The following KCMF1 variants were observed in gnomAD, a reference collection of about 807,000 sequenced individuals.
KCMF1 encodes the protein potassium channel modulatory factor 1.
In KCMF1, 3 loss-of-function variants were observed where a neutral mutation model predicts 41.1. That is an observed-to-expected ratio of 0.07 (90% confidence interval 0.03 to 0.19). The LOEUF (loss-of-function observed/expected upper bound fraction) is 0.19. Among genes scored for constraint, KCMF1 ranks in the 10% least tolerant of loss-of-function variants. The pLI is 1.00. For synonymous variants in KCMF1, 142 were observed against 164.5 expected (o/e 0.86, Z 1.04); for missense variants, 286 against 488.9 (o/e 0.58, Z 3.91).
intron 1 of KCMF1, among the ~76,000 whole-genome samples, chr2:84,989,208 A>G (rs530159557): frequency 3.2e-4 from 49 of 152,326 alleles, no homozygotes; most frequent in Non-Finnish European, 5.9e-4. Flanking sequence ...CCTATGAGAC[A>G]GGTGATTATA....
intron 1 of KCMF1, among the ~76,000 whole-genome samples, chr2:85,017,480 A>T (rs1674806926): frequency 6.6e-6 from 1 of 152,294 alleles, no homozygotes; most frequent in Admixed American, 6.5e-5. Flanking sequence ...TTTTTTAAAA[A>T]AAGTCACACT....
rs1675861637 is a variant in KCMF1 at position 85,053,669 on chromosome 2, T to C, written c.*260T>C. ...CTTGACATGCAAAAGGCTCTCCTAA[T>C]ACTCCACATTCAAACTGAAGAGGAA... is the stretch of plus-strand genomic sequence containing the variant. On this transcript the variant is annotated 3_prime_UTR_variant, in exon 7 of 7. Coordinates refer to ENST00000409785, the MANE Select transcript of KCMF1 (RefSeq NM_020122.5). 2.7e-6 allele frequency: 1 copy of C among 364,804 alleles called. No individual in the cohort carries two copies. The allele number at this position is 364,804 out of a possible 1,614,324, so 22.6% of individuals were successfully genotyped here. A position where few individuals can be genotyped will look rare whatever the true frequency, so the allele number is the denominator to read the frequency against.
At chr2:84,986,958 CT>C (rs1172423317) in intron 1 of KCMF1, among the ~76,000 whole-genome samples, 1 of 152,142 alleles carries the variant, frequency 6.6e-6, no homozygotes, top group Non-Finnish European at 1.5e-5. Flanking sequence ...TTTGTTTAGA[CT>C]TGGGTTCAAT....
chr2:85,007,154 C>T (rs376611653), intron 1 of KCMF1, among the ~76,000 whole-genome samples: 2 of 151,270 alleles, frequency 1.3e-5, no homozygotes, highest in African/African-American at 4.9e-5. Context: ...ATGTCCATAT[C>T]CACTAACTGG....
chr2:84,993,927 GTTTTGTTTTGTTTTGTTTTGTT>G, intron 1 of KCMF1, among the ~76,000 whole-genome samples: 1 of 124,170 alleles, frequency 8.1e-6, no homozygotes, highest in Non-Finnish European at 1.8e-5. Context: ...GTTTTGTTTT[GTTTTGTTTTGTTTTGTTTTGTT>G]TTGTTTTGTT....
At chr2:85,024,726 AC>A (rs1169279622) in intron 1 of KCMF1, among the ~76,000 whole-genome samples, 3 of 152,082 alleles carry the variant, frequency 2.0e-5, no homozygotes, top group African/African-American at 4.8e-5. Flanking sequence ...CCGTCTTTAA[AC>A]CATGTGGAAT....
intron 1 of KCMF1, among the ~76,000 whole-genome samples, chr2:84,988,697 C>T (rs1463679223): frequency 2.6e-5 from 4 of 152,126 alleles, no homozygotes; most frequent in African/African-American, 4.8e-5. Flanking sequence ...GGTTATTTGT[C>T]GTAGGTCCCA....
intron 1 of KCMF1, among the ~76,000 whole-genome samples, chr2:85,026,282 C>T (rs183551815): frequency 9.2e-5 from 14 of 151,566 alleles, no homozygotes; most frequent in African/African-American, 3.1e-4. Context: ...TGAGCCACTG[C>T]GCCTGGCATA....
chr2:85,055,883 T>C lies in KCMF1; in HGVS notation c.*2474T>C, dbSNP rs920586900. ...TGAATTTTGAGAATTTTTTGTTTCG[T>C]TGAGTTTTGAGTGTCTAGGATATAA... On this transcript the variant is annotated 3_prime_UTR_variant, in exon 7 of 7. Transcript: ENST00000409785. 5.9e-5 allele frequency: 9 copies of C among 152,156 alleles called. No homozygotes were observed. The highest frequency in any genetic ancestry group is 2.2e-4 in the African/African-American group (9 of 41,434). 9.4% of individuals were successfully genotyped at this position (152,156 alleles called of 1,614,324 possible). A position where few individuals can be genotyped will look rare whatever the true frequency, so the allele number is the denominator to read the frequency against.
chr2:85,026,190 C>G (rs1206639680), intron 1 of KCMF1, among the ~76,000 whole-genome samples: 1 of 151,982 alleles, frequency 6.6e-6, no homozygotes, highest in Non-Finnish European at 1.5e-5. Flanking sequence ...GGGGTTTCAC[C>G]AGGTTGGTCA....
intron 1 of KCMF1, among the ~76,000 whole-genome samples, chr2:85,005,047 C>T (rs545640055): frequency 2.8e-4 from 42 of 152,122 alleles, no homozygotes; most frequent in African/African-American, 8.4e-4. Context: ...GCTGGGATTA[C>T]GGGCACCTGC....
chr2:85,038,418 A>G (rs922288412), intron 3 of KCMF1, among the ~76,000 whole-genome samples: 1 of 152,178 alleles, frequency 6.6e-6, no homozygotes, highest in African/African-American at 2.4e-5. Flanking sequence ...TCTTGACCAC[A>G]TAGCATAGAT....
chr2:85,019,813 C>CAT (rs1558577697), intron 1 of KCMF1, among the ~76,000 whole-genome samples: 15 of 150,754 alleles, frequency 9.9e-5, no homozygotes, highest in Admixed American at 2.0e-4. Flanking sequence ...TGTATATATA[C>CAT]ATACGTATAT....
intron 4 of KCMF1, among the ~76,000 whole-genome samples, chr2:85,045,123 C>T (rs1675633345): frequency 6.6e-6 from 1 of 152,028 alleles, no homozygotes; most frequent in Non-Finnish European, 1.5e-5. Flanking sequence ...ACCTGTGGTC[C>T]CAGCTACTCA....
rs1674141180 is a variant in KCMF1, at chr2:84,994,984, G to A, written c.16+23517G>A. ...TTCATCGCCTGTATTTCTTTTAAGT[G>A]GTGCTCAGTTCTAGAGCCTTTTTCG... On this transcript the variant is annotated intron_variant, in intron 1 of 6. Coordinates refer to ENST00000409785, the MANE Select transcript of KCMF1 (RefSeq NM_020122.5). Among the ~76,000 whole-genome samples, 5 of 151,868 alleles carry A rather than the reference G, an allele frequency of 3.3e-5. No individual in the cohort carries two copies. The South Asian group carries it at 1.0e-3, about 32-fold the overall frequency.
At chr2:84,991,824 TGA>T (rs536713404) in intron 1 of KCMF1, among the ~76,000 whole-genome samples, 62 of 152,304 alleles carry the variant, frequency 4.1e-4, no homozygotes, top group African/African-American at 1.5e-3. Context: ...CCATACTACT[TGA>T]GATCATATTA....
intron 1 of KCMF1, among the ~76,000 whole-genome samples, chr2:84,990,157 G>C (rs997949551): frequency 6.6e-6 from 1 of 152,230 alleles, no homozygotes; most frequent in African/African-American, 2.4e-5. Flanking sequence ...AACTTAATGA[G>C]CAGTTTCAAA....
chr2:84,985,028 C>G (rs1673866322), intron 1 of KCMF1, among the ~76,000 whole-genome samples: 1 of 151,634 alleles, frequency 6.6e-6, no homozygotes, highest in South Asian at 2.1e-4. Context: ...AAAAGCCTAT[C>G]TGAAGATGGA....
chr2:85,057,804 A>G lies in KCMF1; in HGVS notation c.*4395A>G, dbSNP rs1675970131. 6.6e-6 allele frequency: 1 copy of G among 152,242 alleles called. No homozygotes were observed. The highest frequency in any genetic ancestry group is 1.5e-5 in the Non-Finnish European group (1 of 68,048). The allele number at this position is 152,242 out of a possible 1,614,324, so 9.4% of individuals were successfully genotyped here. ...TTGTTGCCACTTCCTCAACTTGGTT[A>G]GCAAATTCAAGTTTTGAAAGACGAT... On this transcript the variant is annotated 3_prime_UTR_variant, in exon 7 of 7. Transcript: ENST00000409785.
Sources: gnomAD v4.1 joint callset for allele counts (sites outside exome capture counted in the v4.1 genomes callset) on GRCh38, gnomAD v4.1.1 for gene constraint, MANE v1.5 for transcripts, NCBI Gene and HGNC (gene_info 2026-07-23, HGNC 2026-07-21) for gene names.